Variants in PPM1B observed in about 807,000 individuals in gnomAD.
The protein encoded by PPM1B is protein phosphatase 1B.
PPM1B carries 22 observed loss-of-function variants against 43.0 expected under a neutral mutation model. The observed-to-expected ratio is 0.51, with a 90% confidence interval of 0.37 to 0.73. PPM1B has a LOEUF of 0.73. Ranked by LOEUF, PPM1B falls within the 30% of genes least tolerant of loss-of-function variation. The pLI is 0.00. For missense variants in PPM1B, 632 were observed against 584.2 expected (o/e 1.08, Z -0.84); for synonymous variants, 217 against 197.9 (o/e 1.10, Z -0.81).
chr2:44,194,450 G>T lies in PPM1B; in HGVS notation c.-14-6736G>T, dbSNP rs185587659. On this transcript the variant is annotated intron_variant, in intron 1 of 5. Transcript: ENST00000282412. ...GTAAAGAAGGCTGAGCAGGCCGGGC[G>T]TGTTGGCTCATGCCTGTAATCCCAG... Among the ~76,000 whole-genome samples, 1,223 of 150,738 alleles carry T rather than the reference G, an allele frequency of 8.1e-3. 10 individuals carry two copies. The highest frequency in any genetic ancestry group is 0.013 in the Non-Finnish European group (907 of 67,870).
rs1668917562 is a variant in PPM1B at position 44,201,216 on chromosome 2, A to G, written c.17A>G (p.Asp6Gly). 1 of 1,585,874 alleles carries G rather than the reference A, an allele frequency of 6.3e-7. No individual in the cohort carries two copies. Among genetic ancestry groups the G allele is most frequent in the Non-Finnish European group, 8.6e-7 (1 of 1,163,892 alleles). Residue 6 changes from aspartate (D) to glycine (G), a missense_variant, in exon 2 of 6, where the codon GAT becomes GGT. Around this residue, in one of 3 missense-constraint regions of PPM1B, gnomAD observed 200 missense variants for 200.7 expected, o/e 1.00. Coordinates refer to ENST00000282412, the MANE Select transcript of PPM1B (RefSeq NM_002706.6). This position sits in a 1 kb window ranked among gnomAD's most constrained non-coding sequence, Gnocchi z 5.4. ...TTGCTAAACATGGGTGCATTTTTGG[A>G]TAAACCCAAAACTGAAAAACATAAT... MGAFL[D>G]KPKTEKHNAH...
downstream of PPM1B, among the ~76,000 whole-genome samples, chr2:44,245,398 G>C (rs1483190742): frequency 6.6e-6 from 1 of 152,164 alleles, no homozygotes; most frequent in Non-Finnish European, 1.5e-5. Context: ...AGCTCTGCCT[G>C]TCGTGTTGCA....
At chr2:44,226,735 C>CTTTTT (rs60750702) in intron 5 of PPM1B, among the ~76,000 whole-genome samples, 190 of 66,588 alleles carry the variant, frequency 2.9e-3, no homozygotes, top group African/African-American at 4.3e-3. Context: ...AGGTTTTTAT[C>CTTTTT]TTTTTTTTTT....
intron 1 of PPM1B, among the ~76,000 whole-genome samples, chr2:44,191,763 A>G (rs2104075543): frequency 1.3e-5 from 2 of 152,304 alleles, no homozygotes; most frequent in East Asian, 3.9e-4. Context: ...TCTACCAAAT[A>G]TCACTCTGGA....
At chr2:44,212,800 G>A (rs1181326773) in intron 3 of PPM1B, among the ~76,000 whole-genome samples, 1 of 152,000 alleles carries the variant, frequency 6.6e-6, no homozygotes, top group Non-Finnish European at 1.5e-5. Flanking sequence ...CACGAGGTCT[G>A]GAGATTGAGA....
intron 1 of PPM1B, among the ~76,000 whole-genome samples, chr2:44,181,160 A>T (rs185734024): frequency 1.3e-5 from 2 of 152,118 alleles, no homozygotes; most frequent in African/African-American, 2.4e-5. Flanking sequence ...GCCCAAGCTG[A>T]TTGGTCTCCG....
chr2:44,233,745 A>G (rs1670534036), downstream of PPM1B: 1 of 985,820 alleles, frequency 1.0e-6, no homozygotes, highest in Admixed American at 6.1e-5. Flanking sequence ...AGCTTTCCTG[A>G]TCATTTGATT....
At chr2:44,243,636 G>A (rs917735847) in intron 5 of PPM1B, among the ~76,000 whole-genome samples, 2 of 151,856 alleles carry the variant, frequency 1.3e-5, no homozygotes, top group African/African-American at 2.4e-5. Context: ...CTCATTATTT[G>A]AAGTTGTCCT....
chr2:44,192,236 G>GT (rs61172882), intron 1 of PPM1B, among the ~76,000 whole-genome samples: 2 of 150,632 alleles, frequency 1.3e-5, no homozygotes, highest in Non-Finnish European at 1.5e-5. Flanking sequence ...GTATTGTATT[G>GT]AGATGGAGTT....
intron 5 of PPM1B, among the ~76,000 whole-genome samples, chr2:44,224,717 G>A (rs1670137269): frequency 6.6e-6 from 1 of 151,966 alleles, no homozygotes; most frequent in Non-Finnish European, 1.5e-5. Flanking sequence ...TAGGGTGGAT[G>A]GGAGATGTCC....
chr2:44,229,108 C>T (rs966320238), intron 5 of PPM1B, among the ~76,000 whole-genome samples: 3 of 151,064 alleles, frequency 2.0e-5, no homozygotes, highest in Non-Finnish European at 4.4e-5. Context: ...CTTAAATCCT[C>T]GAGGTGGAGG....
intron 1 of PPM1B, among the ~76,000 whole-genome samples, chr2:44,174,050 A>G (rs1667471975): frequency 6.6e-6 from 1 of 152,258 alleles, no homozygotes; most frequent in Non-Finnish European, 1.5e-5. Context: ...TATACATTTG[A>G]CATGGTTTAT....
At chr2:44,209,463 T>A in intron 3 of PPM1B, 136 bp downstream of exon 3, 26 of 898,558 alleles carry the variant, frequency 2.9e-5, no homozygotes, top group Non-Finnish European at 3.9e-5. Flanking sequence ...GGGAAAGTAT[T>A]CTTTTTGTTT....
At chr2:44,197,474 C>A (rs1192269652) in intron 1 of PPM1B, among the ~76,000 whole-genome samples, 1 of 152,134 alleles carries the variant, frequency 6.6e-6, no homozygotes, top group Non-Finnish European at 1.5e-5. Flanking sequence ...CTAAAAAAAA[C>A]TAACATTACT....
At chr2:44,176,481 T>C (rs1009143984) in intron 1 of PPM1B, among the ~76,000 whole-genome samples, 3 of 152,212 alleles carry the variant, frequency 2.0e-5, no homozygotes, top group African/African-American at 7.2e-5. Flanking sequence ...GTCTATATAT[T>C]TATCACTGCT....
chr2:44,174,025 TGTTA>T (rs974966234), intron 1 of PPM1B, among the ~76,000 whole-genome samples: 1 of 152,242 alleles, frequency 6.6e-6, no homozygotes, highest in Non-Finnish European at 1.5e-5. Context: ...TATTTTAATT[TGTTA>T]GTTCATATAT....
downstream of PPM1B, among the ~76,000 whole-genome samples, chr2:44,235,846 C>T (rs1487745953): frequency 6.6e-6 from 1 of 152,056 alleles, no homozygotes; most frequent in East Asian, 1.9e-4. Context: ...CTGCAGTGAG[C>T]TATGATCCAG....
Position 44,209,227 on chromosome 2 carries a change from G to T in PPM1B, c.864G>T (p.Met288Ile), listed in dbSNP as rs1283383063. 2 of 1,605,076 alleles carry T rather than the reference G, an allele frequency of 1.2e-6. No homozygotes were observed. Among genetic ancestry groups the T allele is most frequent in the Non-Finnish European group, 1.7e-6 (2 of 1,175,798 alleles). ...ATACACAGGGAAGTCGAGATAACAT[G>T]AGTATTGTACTAGTTTGCTTTTCAA... is the stretch of plus-strand genomic sequence containing the variant. The part of the protein sequence containing the change: ...TCLHKGSRDN[M>I]SIVLVCFSNA... Residue 288 changes from methionine (M) to isoleucine (I), a missense_variant, in exon 3 of 6, where the codon ATG becomes ATT. Met to Ile is a conservative substitution (Grantham distance 10). This residue lies in a region of PPM1B where 392 missense variants were observed against 302.7 expected (regional missense o/e 1.29). Transcript: ENST00000282412.
In PPM1B at chr2:44,222,045, C is replaced by T. The variant is rs550870020; in HGVS notation, c.1134+3508C>T. Among the ~76,000 whole-genome samples the T allele has an allele frequency of 3.9e-5, 6 of 152,106 alleles. 1 individual carries two copies. Among genetic ancestry groups the T allele is most frequent in the African/African-American group, 1.4e-4 (6 of 41,508 alleles). ...ATTCTTAGTCTAGGGATTCACGAAT[C>T]CCCAGAAATCTTTTGGAAAATTTCC... On this transcript the variant is annotated intron_variant, in intron 5 of 5. Transcript: ENST00000282412.
Sources: gnomAD v4.1 joint callset for allele counts (sites outside exome capture counted in the v4.1 genomes callset) on GRCh38, gnomAD v4.1.1 for gene constraint, gnomAD v4.1.1 regional missense constraint, Gnocchi (gnomAD v3.1) non-coding constraint, MANE v1.5 for transcripts, NCBI Gene and HGNC (gene_info 2026-07-23, HGNC 2026-07-21) for gene names.